The following PTK2B variants were observed in gnomAD, a reference collection of about 807,000 sequenced individuals.
PTK2B encodes protein tyrosine kinase 2 beta.
Under a neutral mutation model 142.9 loss-of-function variants are expected in PTK2B, and 71 were observed. The ratio of observed to expected loss-of-function variants is 0.50; its 90% CI spans 0.41 to 0.61. PTK2B has a LOEUF of 0.61. PTK2B is among the 20% of genes least tolerant of loss of function. The pLI, the probability that PTK2B is intolerant of heterozygous loss-of-function variation, is 0.00. For missense variants in PTK2B, 1,105 were observed against 1,320.4 expected (o/e 0.84, Z 2.53); for synonymous variants, 519 against 503.4 (o/e 1.03, Z -0.42).
At chr8:27,324,459 C>A (rs1312009332), upstream of PTK2B, among the ~76,000 whole-genome samples, 1 of 152,222 alleles carries the variant, frequency 6.6e-6, no homozygotes, top group Non-Finnish European at 1.5e-5. Flanking sequence ...CAGCCAATAG[C>A]TATGGGTAGT....
At chr8:27,362,887 G>A (rs961708656) in intron 1 of PTK2B, among the ~76,000 whole-genome samples, 4 of 152,164 alleles carry the variant, frequency 2.6e-5, no homozygotes, top group South Asian at 2.1e-4. Context: ...ACTCCCATGC[G>A]AAATCTTGAA....
At chr8:27,344,516 A>G (rs1447681816) in intron 1 of PTK2B, among the ~76,000 whole-genome samples, 3 of 152,258 alleles carry the variant, frequency 2.0e-5, no homozygotes, top group Non-Finnish European at 2.9e-5. Context: ...AGCACTTAGC[A>G]TTCATTGGTG....
At chr8:27,332,756 A>G (rs1228822279) in intron 1 of PTK2B, among the ~76,000 whole-genome samples, 3 of 152,060 alleles carry the variant, frequency 2.0e-5, no homozygotes, top group African/African-American at 7.2e-5. Flanking sequence ...TAATTTTTAA[A>G]ATTTTTGTAG....
At chr8:27,385,519 G>A (rs961165194) in intron 1 of PTK2B, among the ~76,000 whole-genome samples, 3 of 152,108 alleles carry the variant, frequency 2.0e-5, no homozygotes, top group African/African-American at 7.2e-5. Context: ...GAATTTCAGG[G>A]GCCTGGTTGC....
rs1282737679 is a variant in PTK2B at position 27,363,639 on chromosome 8, C to A, written c.-37-33909C>A. ...GTCTACCCCTGCCCTTCTTGCAAGT[C>A]CTCCTTTTTCTCATCATGGACCTCC... On this transcript the variant is annotated intron_variant, in intron 1 of 30. Coordinates refer to ENST00000346049, the MANE Select transcript of PTK2B (RefSeq NM_173176.3). This position sits in a 1 kb window ranked among gnomAD's most constrained non-coding sequence, Gnocchi z 4.3. Among the ~76,000 whole-genome samples, 1 of 152,120 alleles carries A rather than the reference C, an allele frequency of 6.6e-6. No homozygotes were observed. Among genetic ancestry groups the A allele is most frequent in the Admixed American group, 6.5e-5 (1 of 15,278 alleles).
chr8:27,400,212 GAA>G (rs1186671045), intron 2 of PTK2B, among the ~76,000 whole-genome samples: 2 of 152,150 alleles, frequency 1.3e-5, no homozygotes, highest in African/African-American at 4.8e-5. Context: ...AAAAGATTGG[GAA>G]ATGTTTGGTT....
intron 7 of PTK2B, 26 bp from the exon 8 acceptor site, chr8:27,430,850 C>T (rs757878488): frequency 1.9e-6 from 3 of 1,609,082 alleles, no homozygotes; most frequent in African/African-American, 1.3e-5. Context: ...GCAGGCATTG[C>T]TCACACGGCC....
chr8:27,354,357 C>A (rs891668001), intron 1 of PTK2B, among the ~76,000 whole-genome samples: 1 of 152,022 alleles, frequency 6.6e-6, no homozygotes, highest in Non-Finnish European at 1.5e-5. Context: ...CAGGCCAGGA[C>A]GGGGAGGAAG....
chr8:27,380,107 C>G (rs747712969), intron 1 of PTK2B, among the ~76,000 whole-genome samples: 6 of 152,060 alleles, frequency 3.9e-5, no homozygotes, highest in Non-Finnish European at 8.8e-5. Context: ...CATTGCTGAG[C>G]TTTCTGTCCA....
chr8:27,410,595 A>T (rs1465173185), intron 2 of PTK2B, among the ~76,000 whole-genome samples: 1 of 152,248 alleles, frequency 6.6e-6, no homozygotes, highest in East Asian at 1.9e-4. Flanking sequence ...CAAAAAGATT[A>T]GGTATTTTAT....
chr8:27,317,911 T>C (rs1389787954), intron 3 of PTK2B, among the ~76,000 whole-genome samples: 1 of 152,244 alleles, frequency 6.6e-6, no homozygotes, highest in Admixed American at 6.5e-5. Flanking sequence ...AAAGCTGATT[T>C]TCCATGTTCC....
intron 24 of PTK2B, among the ~76,000 whole-genome samples, chr8:27,447,662 C>T (rs560873085): frequency 4.9e-4 from 74 of 152,118 alleles, no homozygotes; most frequent in Non-Finnish European, 7.6e-4. Flanking sequence ...AGTCTGAGAC[C>T]AGCCTGGCCA....
upstream of PTK2B, chr8:27,311,255 G>C (rs747906732): frequency 1.2e-5 from 18 of 1,484,478 alleles, no homozygotes; most frequent in Middle Eastern, 6.7e-4. Flanking sequence ...AGCCGGCTCG[G>C]GCGCCCGGAA....
At chr8:27,432,083 A>G in intron 9 of PTK2B, 177 bp from the exon 10 acceptor site, 1 of 546,736 alleles carries the variant, frequency 1.8e-6, no homozygotes, top group East Asian at 2.8e-5. Context: ...AGGGAAGCCA[A>G]AAGATTGGAC....
intron 2 of PTK2B, among the ~76,000 whole-genome samples, chr8:27,402,250 G>T (rs1808427920): frequency 6.6e-6 from 1 of 152,066 alleles, no homozygotes; most frequent in Non-Finnish European, 1.5e-5. Context: ...GAAGAGGGAG[G>T]TGTGAAGAAT....
chr8:27,323,912 C>T (rs546804141), upstream of PTK2B, among the ~76,000 whole-genome samples: 6 of 152,232 alleles, frequency 3.9e-5, no homozygotes, highest in Middle Eastern at 3.4e-3. Flanking sequence ...ATTTATGTGG[C>T]CACACAGGGG....
At chr8:27,331,916 C>T (rs1313119624) in intron 1 of PTK2B, among the ~76,000 whole-genome samples, 5 of 152,202 alleles carry the variant, frequency 3.3e-5, no homozygotes, top group African/African-American at 9.7e-5. Context: ...CCCTCTCACC[C>T]AGCTCCATGT....
At chr8:27,381,074 A>T (rs1010390517) in intron 1 of PTK2B, among the ~76,000 whole-genome samples, 1 of 152,208 alleles carries the variant, frequency 6.6e-6, no homozygotes, top group East Asian at 1.9e-4. Flanking sequence ...TATGCATAAT[A>T]ACTGTACATA....
At chr8:27,328,998 C>T (rs191680691) in intron 1 of PTK2B, among the ~76,000 whole-genome samples, 52 of 150,946 alleles carry the variant, frequency 3.4e-4, no homozygotes, top group African/African-American at 1.0e-3. Context: ...AGTGCAGTGG[C>T]GCGATCTCAG....
Sources: allele counts gnomAD v4.1 joint callset (sites outside exome capture counted in the v4.1 genomes callset), GRCh38; gene constraint gnomAD v4.1.1; non-coding constraint Gnocchi (gnomAD v3.1); transcripts MANE v1.5; gene names NCBI Gene and HGNC (gene_info 2026-07-23, HGNC 2026-07-21).